The following HOOK1 variants were observed in gnomAD, a reference collection of about 807,000 sequenced individuals.
HOOK1 encodes protein Hook homolog 1.
In HOOK1, 60 loss-of-function variants were observed where a neutral mutation model predicts 112.8. The observed-to-expected ratio is 0.53, with a 90% CI of 0.43 to 0.66. The LOEUF is 0.66. Ranked by LOEUF, HOOK1 falls within the 30% of genes least tolerant of loss-of-function variation. The probability of loss-of-function intolerance (pLI) is 0.00; values close to 1 mark genes in which losing one functional copy is unlikely to be tolerated. For synonymous variants in HOOK1, 294 were observed against 283.8 expected, an observed-to-expected ratio of 1.04 and a Z score of -0.36; for missense variants, 770 against 856.0, an observed-to-expected ratio of 0.90 and a Z score of 1.25.
chr1:59,834,177 TG>T (rs1177895464), intron 5 of HOOK1, among the ~76,000 whole-genome samples: 2 of 152,156 alleles, frequency 1.3e-5, no homozygotes, highest in Non-Finnish European at 2.9e-5. Context: ...TTGACGCTGA[TG>T]TTTTTTTGCA....
chr1:59,848,567 G>A (rs768153957), intron 11 of HOOK1, 51 bp downstream of exon 11: 1 of 1,317,478 alleles, frequency 7.6e-7, no homozygotes, highest in South Asian at 1.3e-5. Flanking sequence ...GTTTAACTTT[G>A]TTATTCCTTT....
intron 7 of HOOK1, among the ~76,000 whole-genome samples, chr1:59,839,273 A>G (rs984615841): frequency 6.6e-6 from 1 of 152,154 alleles, no homozygotes; most frequent in Non-Finnish European, 1.5e-5. Flanking sequence ...CTTTGAATCT[A>G]TAAATTACCT....
At chr1:59,866,661 C>A (rs1438867705) in intron 19 of HOOK1, among the ~76,000 whole-genome samples, 1 of 152,100 alleles carries the variant, frequency 6.6e-6, no homozygotes, top group African/African-American at 2.4e-5. Flanking sequence ...ATGGGCGAGG[C>A]CTGAAAACAG....
chr1:59,840,912 A>G (rs191685096), intron 8 of HOOK1, among the ~76,000 whole-genome samples: 68 of 152,280 alleles, frequency 4.5e-4, no homozygotes, highest in African/African-American at 1.4e-3. Context: ...ATGAGCAACA[A>G]TAGTTAATGG....
chr1:59,871,370 T>G (rs1158821954), intron 21 of HOOK1, among the ~76,000 whole-genome samples: 2 of 152,222 alleles, frequency 1.3e-5, no homozygotes, highest in Non-Finnish European at 2.9e-5. Flanking sequence ...GAAGCACAGG[T>G]GTAATAATTC....
chr1:59,822,042 T>G, intron 2 of HOOK1, 99 bp downstream of exon 2: 1 of 911,734 alleles, frequency 1.1e-6, no homozygotes, highest in Non-Finnish European at 1.8e-6. Flanking sequence ...TGCAACTTTA[T>G]CTTACCCAGT....
chr1:59,832,295 G>T, intron 4 of HOOK1, 82 bp downstream of exon 4: 1 of 815,372 alleles, frequency 1.2e-6, no homozygotes, highest in Non-Finnish European at 2.0e-6. Context: ...TTGGTTTTTT[G>T]TTTATAATAT....
intron 18 of HOOK1, 75 bp from the exon 19 acceptor site, chr1:59,865,797 T>C (rs2102071990): frequency 1.9e-6 from 1 of 531,626 alleles, no homozygotes; most frequent in South Asian, 3.8e-5. Flanking sequence ...AATATAATTT[T>C]ATGTGAGGAT....
chr1:59,830,348 T>A (rs569177291), intron 3 of HOOK1, among the ~76,000 whole-genome samples: 1 of 152,284 alleles, frequency 6.6e-6, no homozygotes, highest in South Asian at 2.1e-4. Context: ...ATTTTTTTGC[T>A]TTTTACTTCA....
intron 11 of HOOK1, 131 bp downstream of exon 11, chr1:59,848,647 A>C: frequency 1.6e-6 from 1 of 608,880 alleles, no homozygotes; most frequent in East Asian, 2.9e-5. Flanking sequence ...ATTCTGATGA[A>C]TTTCTTTCTT....
intron 20 of HOOK1, among the ~76,000 whole-genome samples, chr1:59,870,122 T>A (rs1644032576): frequency 6.6e-6 from 1 of 152,250 alleles, no homozygotes; most frequent in African/African-American, 2.4e-5. Flanking sequence ...GGATAATCGC[T>A]GACATCTAAG....
At chr1:59,867,646 A>G (rs1438293291) in intron 19 of HOOK1, among the ~76,000 whole-genome samples, 3 of 152,184 alleles carry the variant, frequency 2.0e-5, no homozygotes, top group East Asian at 1.9e-4. Flanking sequence ...GTTTAGCTGA[A>G]TCTCTTTACT....
At chr1:59,835,310 A>G (rs763454011) in intron 5 of HOOK1, 35 bp from the exon 6 acceptor site, 1 of 1,175,740 alleles carries the variant, frequency 8.5e-7, no homozygotes, top group South Asian at 1.2e-5. Context: ...TGTAAAGAGT[A>G]GATTTTTTTC....
chr1:59,863,908 T>TA (rs1294062821), intron 16 of HOOK1: 1 of 707,766 alleles, frequency 1.4e-6, no homozygotes, highest in Non-Finnish European at 1.7e-6. Flanking sequence ...TTTTAAGCCA[T>TA]ACTAGAGAAT....
intron 9 of HOOK1, among the ~76,000 whole-genome samples, chr1:59,844,592 C>T (rs1449098864): frequency 6.6e-6 from 1 of 151,864 alleles, no homozygotes. Flanking sequence ...TTAGCATTTT[C>T]CCATAAAATT....
chr1:59,841,287 T>C (rs2098400890), intron 8 of HOOK1, among the ~76,000 whole-genome samples: 1 of 152,128 alleles, frequency 6.6e-6, no homozygotes, highest in Non-Finnish European at 1.5e-5. Flanking sequence ...ATGAGCTAAA[T>C]TTGTAGTTGA....
intron 8 of HOOK1, among the ~76,000 whole-genome samples, chr1:59,842,983 A>G (rs1354463318): frequency 6.6e-6 from 1 of 151,994 alleles, no homozygotes; most frequent in East Asian, 1.9e-4. Flanking sequence ...TGAATATGTG[A>G]TATGTGACTG....
chr1:59,844,844 G>C (rs182129134), intron 9 of HOOK1, among the ~76,000 whole-genome samples: 5 of 151,822 alleles, frequency 3.3e-5, no homozygotes, highest in African/African-American at 1.2e-4. Flanking sequence ...CAGAATTATT[G>C]TGAAAATTTG....
At chr1:59,818,715 G>T (rs1251788811) in intron 1 of HOOK1, among the ~76,000 whole-genome samples, 1 of 152,140 alleles carries the variant, frequency 6.6e-6, no homozygotes, top group African/African-American at 2.4e-5. Context: ...GAAGGAAAGA[G>T]TAATAATTAA....
Sources: allele counts gnomAD v4.1 joint callset (sites outside exome capture counted in the v4.1 genomes callset), GRCh38; gene constraint gnomAD v4.1.1; transcripts MANE v1.5; gene names NCBI Gene and HGNC (gene_info 2026-07-23, HGNC 2026-07-21).